The following YY1AP1 variants were observed in gnomAD, a reference collection of about 807,000 sequenced individuals.
The protein encoded by YY1AP1 is YY1 associated protein 1.
In YY1AP1, 43 loss-of-function variants were observed where a neutral mutation model predicts 39.9. That is an observed-to-expected ratio of 1.08 (90% CI 0.84 to 1.39). The LOEUF is 1.39. YY1AP1 is among the 40% of genes most tolerant of loss of function. The pLI is 0.00. For synonymous variants in YY1AP1, 292 were observed against 331.3 expected, an observed-to-expected ratio of 0.88 and a Z score of 1.29; for missense variants, 813 against 900.7, an observed-to-expected ratio of 0.90 and a Z score of 1.25.
chr1:155,686,826 T>G (rs1351190418), intron 2 of YY1AP1, among the ~76,000 whole-genome samples: 1 of 152,082 alleles, frequency 6.6e-6, no homozygotes, highest in Non-Finnish European at 1.5e-5. Flanking sequence ...CACATACATA[T>G]CTGACACAAT....
At chr1:155,679,332 T>A in intron 4 of YY1AP1, 77 bp downstream of exon 4, 1 of 1,601,874 alleles carries the variant, frequency 6.2e-7, no homozygotes, top group Non-Finnish European at 8.5e-7. Flanking sequence ...GAAAAATTGT[T>A]AACTGCAACT....
chr1:155,674,484 TAAGA>T (rs1650340071), intron 6 of YY1AP1, among the ~76,000 whole-genome samples: 2 of 151,820 alleles, frequency 1.3e-5, no homozygotes, highest in Admixed American at 1.3e-4. Flanking sequence ...ACCAAAAACC[TAAGA>T]AGTCAGGGTG....
At chr1:155,683,011 G>A (rs1281112452) in intron 2 of YY1AP1, among the ~76,000 whole-genome samples, 3 of 150,912 alleles carry the variant, frequency 2.0e-5, no homozygotes. Flanking sequence ...GCTTGAACCC[G>A]GGAGTCGGAG....
chr1:155,679,476 C>T lies in YY1AP1; in HGVS notation c.58G>A (p.Asp20Asn). 2 of 1,614,242 alleles carry T rather than the reference C, an allele frequency of 1.2e-6. No homozygotes were observed. The highest frequency in any genetic ancestry group is 2.2e-5 in the South Asian group (2 of 91,084). ...ACACGCTCCTCCTCTTCTGGGCCAT[C>T]ATCTTCCATGTTGGAGAATCCCATC... ...DEMGFSNMED[D>N]GPEEEERVAE... The change falls in exon 4 of 11, where the codon GAT becomes AAT. Residue 20 changes from aspartate to asparagine, a missense_variant. Physicochemically the swap from Asp to Asn is conservative, Grantham distance 23 (BLOSUM62 1). Transcript: ENST00000355499.
intron 1 of YY1AP1, chr1:155,688,412 C>T: frequency 6.5e-7 from 1 of 1,545,246 alleles, no homozygotes; most frequent in East Asian, 2.5e-5. Flanking sequence ...CCTCCCACTC[C>T]TCCCTCCTCG....
At chr1:155,664,265 T>TA (rs1478873933) in intron 9 of YY1AP1, among the ~76,000 whole-genome samples, 1 of 151,916 alleles carries the variant, frequency 6.6e-6, no homozygotes, top group Non-Finnish European at 1.5e-5. Context: ...CAGAGGAGAG[T>TA]ATTATTTTTT....
rs904200988 is a variant in YY1AP1, at chr1:155,688,679, G to A, written c.-172C>T. ...CGTACCTTCAGCGGCGCGAGCCCAAGCCTTCTCCACCTCCTCTTCTCTCCT... is the reference window on the plus strand; with the variant it reads ...CGTACCTTCAGCGGCGCGAGCCCAAACCTTCTCCACCTCCTCTTCTCTCCT... On this transcript the variant is annotated 5_prime_UTR_variant, in exon 1 of 11. Coordinates refer to ENST00000355499, the MANE Select transcript of YY1AP1 (RefSeq NM_139119.3). 10 of 1,531,110 alleles carry A rather than the reference G, an allele frequency of 6.5e-6. No homozygotes were observed. The African/African-American group carries it at 9.6e-5, about 15-fold the overall frequency. 94.8% of individuals were successfully genotyped at this position (1,531,110 alleles called of 1,614,324 possible).
chr1:155,683,831 T>C (rs1651854169), intron 2 of YY1AP1, among the ~76,000 whole-genome samples: 1 of 152,076 alleles, frequency 6.6e-6, no homozygotes, highest in African/African-American at 2.4e-5. Context: ...GAGAAAATCT[T>C]GGATTTGGTA....
chr1:155,678,591 T>C (rs1303693992), intron 4 of YY1AP1, among the ~76,000 whole-genome samples: 1 of 152,194 alleles, frequency 6.6e-6, no homozygotes, highest in African/African-American at 2.4e-5. Context: ...TGTAGTTGTA[T>C]TGTGATATTT....
At chr1:155,687,922 T>A (rs1652739317) in intron 2 of YY1AP1, 149 bp downstream of exon 2, 1 of 894,290 alleles carries the variant, frequency 1.1e-6, no homozygotes, top group Non-Finnish European at 1.6e-6. Flanking sequence ...AGGCTCAGGA[T>A]CCCCCTCCCT....
chr1:155,662,382 T>C (rs893087852), intron 9 of YY1AP1, among the ~76,000 whole-genome samples: 3 of 151,590 alleles, frequency 2.0e-5, no homozygotes, highest in African/African-American at 4.8e-5. Flanking sequence ...TCCCAGTTAC[T>C]TGGGAGGCTG....
At chr1:155,687,951 T>C (rs540187469) in intron 2 of YY1AP1, 120 bp downstream of exon 2, 3 of 1,189,802 alleles carry the variant, frequency 2.5e-6, no homozygotes, top group African/African-American at 1.5e-5. Context: ...CTCCCCCATC[T>C]TCACCACTGC....
At chr1:155,670,805 G>C (rs1244005685) in intron 7 of YY1AP1, 1 of 261,964 alleles carries the variant, frequency 3.8e-6, no homozygotes, top group Admixed American at 5.1e-5. Flanking sequence ...CTCCTGAGTA[G>C]CTGGGACTAC....
chr1:155,679,712 C>CAT, intron 3 of YY1AP1, 200 bp from the exon 4 acceptor site: 1 of 985,344 alleles, frequency 1.0e-6, no homozygotes, highest in Non-Finnish European at 1.2e-6. Context: ...AAAGAAGTTG[C>CAT]TCAACCAGTC....
chr1:155,669,794 G>A (rs956569840), intron 8 of YY1AP1, among the ~76,000 whole-genome samples: 1 of 152,248 alleles, frequency 6.6e-6, no homozygotes, highest in Non-Finnish European at 1.5e-5. Flanking sequence ...TGGGAGGCCA[G>A]GAGTGGGAGG....
Position 155,686,291 on chromosome 1 carries a change from C to T in YY1AP1, c.-21+1780G>A, listed in dbSNP as rs530558848. Among the ~76,000 whole-genome samples the T allele has an allele frequency of 5.9e-5, 9 of 152,014 alleles. 1 individual carries two copies. The South Asian group carries it at 1.5e-3, about 25-fold the overall frequency. ...ACCTCGTGATTCGATCTCCTGACCTCGTGATCCGCCCACCTCGGCCTCCCA... is the reference window on the plus strand; with the variant it reads ...ACCTCGTGATTCGATCTCCTGACCTTGTGATCCGCCCACCTCGGCCTCCCA... On this transcript the variant is annotated intron_variant, in intron 2 of 10. Transcript: ENST00000355499.
intron 2 of YY1AP1, among the ~76,000 whole-genome samples, chr1:155,686,907 CAA>C (rs1652489361): frequency 6.6e-6 from 1 of 151,702 alleles, no homozygotes; most frequent in Admixed American, 6.6e-5. Flanking sequence ...GATTTGCCGA[CAA>C]AGACTTCCTG....
rs760041500 is a variant in YY1AP1, at chr1:155,688,163, C to A, written c.-113G>T. The A allele has an allele frequency of 6.2e-7, 1 of 1,613,964 alleles. No individual in the cohort carries two copies. The highest frequency in any genetic ancestry group is 2.2e-5 in the East Asian group (1 of 44,884). On this transcript the variant is annotated 5_prime_UTR_variant, in exon 2 of 11. Coordinates refer to ENST00000355499, the MANE Select transcript of YY1AP1 (RefSeq NM_139119.3). ...CCGCTTCCCTGGGTCCACCGCGGAT[C>A]CCTCCCGCTTGTCAGGAGGCGGCCA...
chr1:155,688,787 T>G (rs1653172954), upstream of YY1AP1: 4 of 1,530,900 alleles, frequency 2.6e-6, no homozygotes, highest in Non-Finnish European at 2.6e-6. Context: ...TCCTCGCGCG[T>G]GCGCCTCCCA....
Sources: gnomAD v4.1 joint callset for allele counts (sites outside exome capture counted in the v4.1 genomes callset) on GRCh38, gnomAD v4.1.1 for gene constraint, MANE v1.5 for transcripts, NCBI Gene and HGNC (gene_info 2026-07-23, HGNC 2026-07-21) for gene names.